TBC1D9: variants seen among roughly 807,000 people sequenced by gnomAD.
The protein encoded by TBC1D9 is TBC1 domain family member 9A.
TBC1D9 carries 63 observed loss-of-function variants against 132.0 expected under a neutral mutation model. The ratio of observed to expected loss-of-function variants is 0.48; its 90% confidence interval spans 0.39 to 0.59. The LOEUF is 0.59. Ranked by LOEUF, TBC1D9 falls within the 20% of genes least tolerant of loss-of-function variation. The pLI is 0.00. For missense variants in TBC1D9, 1,261 were observed against 1,592.7 expected (o/e 0.79, Z 3.54); for synonymous variants, 610 against 609.9 (o/e 1.00, Z 0.00).
At chr4:140,681,543 G>A (rs915981278) in intron 3 of TBC1D9, among the ~76,000 whole-genome samples, 3 of 152,116 alleles carry the variant, frequency 2.0e-5, no homozygotes, top group Admixed American at 6.6e-5. Flanking sequence ...GTGGGCTTAC[G>A]ATGCAAGCAC....
intron 16 of TBC1D9, among the ~76,000 whole-genome samples, chr4:140,630,705 A>G (rs1227598253): frequency 1.3e-5 from 2 of 152,122 alleles, no homozygotes; most frequent in Admixed American, 6.5e-5. Context: ...ATTTTTAAAA[A>G]CCTACTTTTG....
chr4:140,680,277 C>T (rs934114829), intron 3 of TBC1D9, among the ~76,000 whole-genome samples: 43 of 152,236 alleles, frequency 2.8e-4, no homozygotes, highest in Admixed American at 2.6e-4. Flanking sequence ...AACTGACACT[C>T]AGCTCCACAC....
At chr4:140,729,816 C>A (rs1464146604) in intron 1 of TBC1D9, among the ~76,000 whole-genome samples, 1 of 13,576 alleles carries the variant, frequency 7.4e-5, no homozygotes, top group Admixed American at 1.3e-3. Context: ...AAGATTCCAT[C>A]TCAAAAAAAA....
intron 1 of TBC1D9, among the ~76,000 whole-genome samples, chr4:140,724,153 G>A (rs145786886): frequency 1.4e-4 from 22 of 152,262 alleles, no homozygotes; most frequent in African/African-American, 5.3e-4. Context: ...TTTGTGAATG[G>A]GACCAAACAG....
Position 140,657,935 on chromosome 4 carries a change from G to A in TBC1D9, c.1922-123C>T, listed in dbSNP as rs796185800. On this transcript the variant is annotated intron_variant, in intron 11 of 20. Coordinates refer to ENST00000442267, the MANE Select transcript of TBC1D9 (RefSeq NM_015130.3). Reference sequence around the variant, plus strand: ...GTTCCTTTCTGCTGACTGTTCTGCTGTGACTGTTACTAGACCAAGGTGTCA... The same window carrying A: ...GTTCCTTTCTGCTGACTGTTCTGCTATGACTGTTACTAGACCAAGGTGTCA... 5.3e-6 allele frequency: 6 copies of A among 1,141,330 alleles called. No homozygotes were observed. In the African/African-American group the frequency reaches 9.3e-5, roughly 18 times the overall value. 70.7% of individuals were successfully genotyped at this position (1,141,330 alleles called of 1,614,324 possible). A position where few individuals can be genotyped will look rare whatever the true frequency, so the allele number is the denominator to read the frequency against.
At chr4:140,672,466 T>G (rs895033688) in intron 6 of TBC1D9, among the ~76,000 whole-genome samples, 6 of 152,082 alleles carry the variant, frequency 3.9e-5, no homozygotes, top group African/African-American at 1.4e-4. Context: ...CACATAAAAT[T>G]TTTACTGGCT....
chr4:140,656,179 T>G (rs1316967220), intron 13 of TBC1D9, among the ~76,000 whole-genome samples: 1 of 152,158 alleles, frequency 6.6e-6, no homozygotes, highest in Non-Finnish European at 1.5e-5. Flanking sequence ...TAGTTCTCAA[T>G]GTAGAAGGAA....
intron 1 of TBC1D9, among the ~76,000 whole-genome samples, chr4:140,750,157 A>AT (rs898962247): frequency 2.1e-5 from 2 of 95,926 alleles, no homozygotes; most frequent in African/African-American, 8.5e-5. Context: ...GAGAACAAAA[A>AT]TTAAAAAAAA....
intron 1 of TBC1D9, among the ~76,000 whole-genome samples, chr4:140,709,299 T>C (rs1738203371): frequency 7.1e-6 from 1 of 141,778 alleles, no homozygotes; most frequent in African/African-American, 2.7e-5. Context: ...CCCCAATTCA[T>C]CATTGTTCGT....
chr4:140,685,597 T>C (rs1250907222), intron 3 of TBC1D9, among the ~76,000 whole-genome samples: 1 of 151,224 alleles, frequency 6.6e-6, no homozygotes, highest in Admixed American at 6.6e-5. Flanking sequence ...TGTACTGGAG[T>C]GGGGGTGGGG....
intron 16 of TBC1D9, 122 bp downstream of exon 16, chr4:140,633,826 A>G (rs983561749): frequency 2.5e-6 from 3 of 1,214,578 alleles, no homozygotes; most frequent in Non-Finnish European, 3.4e-6. Context: ...CATGAAAAAC[A>G]CATTTTATAA....
At chr4:140,751,127 A>G (rs1738917169) in intron 1 of TBC1D9, among the ~76,000 whole-genome samples, 1 of 152,212 alleles carries the variant, frequency 6.6e-6, no homozygotes, top group Non-Finnish European at 1.5e-5. Context: ...AACTCTTATG[A>G]TAAAAGTACA....
At chr4:140,668,816 A>G (rs1737487996) in intron 9 of TBC1D9, 101 bp downstream of exon 9, 2 of 1,211,250 alleles carry the variant, frequency 1.7e-6, no homozygotes, top group South Asian at 1.5e-5. Context: ...TGGGGGATGC[A>G]TATTTGAAAG....
intron 13 of TBC1D9, among the ~76,000 whole-genome samples, chr4:140,653,168 G>A (rs866580154): frequency 4.6e-5 from 7 of 152,198 alleles, no homozygotes; most frequent in Admixed American, 2.0e-4. Context: ...TAATGAGTGA[G>A]ATTTTCCCCA....
intron 1 of TBC1D9, among the ~76,000 whole-genome samples, chr4:140,722,887 G>A (rs1386736864): frequency 6.6e-6 from 1 of 152,038 alleles, no homozygotes; most frequent in Non-Finnish European, 1.5e-5. Context: ...TCCCCATTGA[G>A]TTATAGCTTA....
At chr4:140,736,027 C>G (rs929197429) in intron 1 of TBC1D9, among the ~76,000 whole-genome samples, 1 of 152,166 alleles carries the variant, frequency 6.6e-6, no homozygotes, top group African/African-American at 2.4e-5. Context: ...TGGAATGATA[C>G]TGACAAGATT....
At chr4:140,658,789 C>T (rs530084548) in intron 11 of TBC1D9, among the ~76,000 whole-genome samples, 1 of 150,308 alleles carries the variant, frequency 6.7e-6, no homozygotes, top group East Asian at 2.0e-4. Flanking sequence ...CCAACCTGGG[C>T]GACAGAGCGA....
chr4:140,626,375 G>A (rs924001257), intron 18 of TBC1D9, among the ~76,000 whole-genome samples: 1 of 152,106 alleles, frequency 6.6e-6, no homozygotes, highest in African/African-American at 2.4e-5. Flanking sequence ...CTAGTGTTCT[G>A]TCCAAAGCTC....
chr4:140,645,946 C>T (rs530265919), intron 13 of TBC1D9, among the ~76,000 whole-genome samples: 2 of 152,334 alleles, frequency 1.3e-5, no homozygotes, highest in African/African-American at 4.8e-5. Flanking sequence ...AACAGTATGT[C>T]CCCACCCTTC....
Sources: gnomAD v4.1 joint callset for allele counts (sites outside exome capture counted in the v4.1 genomes callset) on GRCh38, gnomAD v4.1.1 for gene constraint, MANE v1.5 for transcripts, NCBI Gene and HGNC (gene_info 2026-07-23, HGNC 2026-07-21) for gene names.